HPSE2: variants seen among roughly 807,000 people sequenced by gnomAD.
HPSE2 encodes inactive heparanase-2.
A neutral mutation model predicts 60.5 loss-of-function variants in HPSE2; 38 were observed. The observed-to-expected ratio is 0.63, with a 90% CI of 0.48 to 0.82. The LOEUF (loss-of-function observed/expected upper bound fraction) is 0.82. HPSE2 is among the 40% of genes least tolerant of loss of function. The pLI, the probability that HPSE2 is intolerant of heterozygous loss-of-function variation, is 0.00. For missense variants in HPSE2, 713 were observed against 740.4 expected, an observed-to-expected ratio of 0.96 and a Z score of 0.43; for synonymous variants, 295 against 293.2, an observed-to-expected ratio of 1.01 and a Z score of -0.06.
intron 9 of HPSE2, among the ~76,000 whole-genome samples, chr10:98,543,577 G>A (rs193045146): frequency 0.016 from 2,501 of 152,252 alleles, 24 homozygotes; most frequent in Middle Eastern, 0.027. Flanking sequence ...CTGTATTCAG[G>A]AAACCCATCT....
intron 4 of HPSE2, among the ~76,000 whole-genome samples, chr10:98,742,386 A>G (rs1289323309): frequency 6.6e-6 from 1 of 152,160 alleles, no homozygotes; most frequent in African/African-American, 2.4e-5. Flanking sequence ...ATAAATACAC[A>G]TGGGCACACA....
intron 3 of HPSE2, among the ~76,000 whole-genome samples, chr10:99,041,954 C>T (rs1957749571): frequency 6.6e-6 from 1 of 152,206 alleles, no homozygotes; most frequent in East Asian, 1.9e-4. Context: ...ATATGGTTCA[C>T]TGCTCCTCAC....
At chr10:99,199,387 G>T (rs1848503335) in intron 2 of HPSE2, among the ~76,000 whole-genome samples, 1 of 151,966 alleles carries the variant, frequency 6.6e-6, no homozygotes, top group Non-Finnish European at 1.5e-5. Context: ...TCTCACTGTG[G>T]TTTAATTTGC....
rs144174159 is a variant in HPSE2, at chr10:98,864,713, T to C, written c.611-120657A>G. Among the ~76,000 whole-genome samples the C allele has an allele frequency of 2.1e-3, 321 of 152,290 alleles. 1 individual carries two copies. The highest frequency in any genetic ancestry group is 7.3e-3 in the African/African-American group (302 of 41,586). ...ATGACAGTGTCAAAGCCATGCATTA[T>C]GCATTGAAAGTTGCTATGTGTATGA... On this transcript the variant is annotated intron_variant, in intron 3 of 11. Coordinates refer to ENST00000370552, the MANE Select transcript of HPSE2 (RefSeq NM_021828.5).
intron 3 of HPSE2, among the ~76,000 whole-genome samples, chr10:98,868,701 T>A (rs1952656278): frequency 6.6e-6 from 1 of 152,128 alleles, no homozygotes; most frequent in Admixed American, 6.6e-5. Context: ...ACTTCCAGTC[T>A]TCTTGATTTT....
At chr10:98,665,650 G>T (rs1947343483) in intron 6 of HPSE2, among the ~76,000 whole-genome samples, 1 of 152,126 alleles carries the variant, frequency 6.6e-6, no homozygotes, top group African/African-American at 2.4e-5. Flanking sequence ...TCAAAGAAAA[G>T]AAATTCCAAC....
chr10:98,922,070 G>T (rs1389387673), intron 3 of HPSE2, among the ~76,000 whole-genome samples: 1 of 152,074 alleles, frequency 6.6e-6, no homozygotes, highest in Non-Finnish European at 1.5e-5. Flanking sequence ...AAAATTAACA[G>T]ATAAAATCAG....
At chr10:99,278,847 A>C in the HPSE2 span, among the ~76,000 whole-genome samples, 1 of 152,230 alleles carries the variant, frequency 6.6e-6, no homozygotes, top group Non-Finnish European at 1.5e-5. Context: ...GGTGTTCAGT[A>C]AATGAAAGGT....
intron 3 of HPSE2, among the ~76,000 whole-genome samples, chr10:98,903,460 A>T (rs1953722710): frequency 6.6e-6 from 1 of 152,136 alleles, no homozygotes; most frequent in South Asian, 2.1e-4. Flanking sequence ...AGATAAAAAA[A>T]TAAAGGCAAA....
intron 3 of HPSE2, among the ~76,000 whole-genome samples, chr10:98,909,394 G>T (rs1472336227): frequency 1.3e-5 from 2 of 151,546 alleles, no homozygotes; most frequent in African/African-American, 4.9e-5. Context: ...ACTTTGGGAG[G>T]TCGAAGCGGG....
At chr10:98,628,726 G>A (rs890001217) in intron 7 of HPSE2, among the ~76,000 whole-genome samples, 1 of 152,076 alleles carries the variant, frequency 6.6e-6, no homozygotes, top group African/African-American at 2.4e-5. Context: ...GCCTGCTAGA[G>A]GCAGAGTTGT....
intron 3 of HPSE2, among the ~76,000 whole-genome samples, chr10:98,873,782 A>T (rs566465732): frequency 6.6e-6 from 1 of 152,082 alleles, no homozygotes; most frequent in East Asian, 1.9e-4. Flanking sequence ...TCTTTGAGGA[A>T]TCACCATACT....
chr10:99,275,825 C>T, the HPSE2 span, among the ~76,000 whole-genome samples: 2 of 152,118 alleles, frequency 1.3e-5, no homozygotes, highest in African/African-American at 2.4e-5. Flanking sequence ...CTCCTTCAGG[C>T]CAGAACATCT....
intron 3 of HPSE2, among the ~76,000 whole-genome samples, chr10:98,897,147 G>A (rs1953514146): frequency 6.6e-6 from 1 of 152,028 alleles, no homozygotes; most frequent in Non-Finnish European, 1.5e-5. Flanking sequence ...GGATGCAAAG[G>A]CATAAGAATT....
intron 9 of HPSE2, among the ~76,000 whole-genome samples, chr10:98,580,077 T>C (rs947259639): frequency 6.6e-6 from 1 of 152,224 alleles, no homozygotes; most frequent in East Asian, 1.9e-4. Flanking sequence ...ATTTTCAAAG[T>C]ATTGCTCTAT....
intron 9 of HPSE2, among the ~76,000 whole-genome samples, chr10:98,553,345 T>A (rs1434440405): frequency 6.6e-6 from 1 of 152,262 alleles, no homozygotes. Context: ...TGATACTTTA[T>A]GTGTTATCTT....
At chr10:99,291,598 A>C in the HPSE2 span, among the ~76,000 whole-genome samples, 1 of 151,958 alleles carries the variant, frequency 6.6e-6, no homozygotes, top group African/African-American at 2.4e-5. Flanking sequence ...AAAAAAAAAA[A>C]AAAGAATCAC....
intron 3 of HPSE2, among the ~76,000 whole-genome samples, chr10:98,870,330 C>T (rs953130687): frequency 6.6e-6 from 1 of 152,136 alleles, no homozygotes; most frequent in Non-Finnish European, 1.5e-5. Flanking sequence ...TCTGAGCTGG[C>T]TCTCAAACTA....
the HPSE2 span, among the ~76,000 whole-genome samples, chr10:99,260,727 C>T: frequency 6.6e-6 from 1 of 152,190 alleles, no homozygotes; most frequent in Non-Finnish European, 1.5e-5. Context: ...GGCAAGTCAA[C>T]TTTGGGGACA....
Sources: gnomAD v4.1 joint callset for allele counts (sites outside exome capture counted in the v4.1 genomes callset) on GRCh38, gnomAD v4.1.1 for gene constraint, MANE v1.5 for transcripts, NCBI Gene and HGNC (gene_info 2026-07-23, HGNC 2026-07-21) for gene names.